CFDP1: variants seen among roughly 807,000 people sequenced by gnomAD.
The protein encoded by CFDP1 is chromatin remodeling protein CFDP1.
CFDP1 carries 31 observed loss-of-function variants against 40.1 expected under a neutral mutation model. That is an observed-to-expected ratio of 0.77 (90% CI 0.58 to 1.04). CFDP1 has a LOEUF of 1.04. Ranked by LOEUF, CFDP1 falls within the 50% of genes least tolerant of loss-of-function variation. The probability of loss-of-function intolerance (pLI) is 0.00; values close to 1 mark genes in which losing one functional copy is unlikely to be tolerated. For synonymous variants in CFDP1, 167 were observed against 120.0 expected (o/e 1.39, Z -2.56); for missense variants, 423 against 343.4 (o/e 1.23, Z -1.83).
chr16:75,306,300 G>C (rs1338521942), intron 5 of CFDP1: 1 of 152,090 alleles, frequency 6.6e-6, no homozygotes, highest in Non-Finnish European at 1.5e-5. Flanking sequence ...GAGTTGGAAG[G>C]GATCATCTTT....
rs138193823 is a variant in CFDP1 at position 75,344,803 on chromosome 16, G to A, written c.651-39621C>T. Among the ~76,000 whole-genome samples, 676 of 151,638 alleles carry A rather than the reference G, an allele frequency of 4.5e-3. 3 individuals carry two copies. The highest frequency in any genetic ancestry group is 0.015 in the African/African-American group (620 of 41,322). On this transcript the variant is annotated intron_variant, in intron 5 of 6. Transcript: ENST00000283882. ...AAAAATTAGCTGGGCATGGTGGTGC[G>A]TGCCTGTAGTCCCAGCTACTTGGGA...
At chr16:75,352,004 T>C (rs1414830082) in intron 5 of CFDP1, among the ~76,000 whole-genome samples, 3 of 51,786 alleles carry the variant, frequency 5.8e-5, no homozygotes, top group East Asian at 7.6e-4. Context: ...TGAGACTCTG[T>C]CTCAAAAAAA....
chr16:75,412,081 T>A (rs182861706), intron 3 of CFDP1, 129 bp from the exon 4 acceptor site: 4 of 972,700 alleles, frequency 4.1e-6, no homozygotes, highest in Admixed American at 6.7e-5. Context: ...AGTAACACAA[T>A]CTTGGCTCAC....
intron 5 of CFDP1, among the ~76,000 whole-genome samples, chr16:75,360,053 T>C (rs977808666): frequency 6.6e-6 from 1 of 152,070 alleles, no homozygotes; most frequent in Non-Finnish European, 1.5e-5. Flanking sequence ...TACAGATGCA[T>C]GCTCATTTTT....
intron 5 of CFDP1, among the ~76,000 whole-genome samples, chr16:75,327,502 G>A (rs1426534291): frequency 6.6e-6 from 1 of 152,102 alleles, no homozygotes; most frequent in Non-Finnish European, 1.5e-5. Flanking sequence ...ATAGAATACA[G>A]TAGAATAGTA....
chr16:75,380,619 G>C (rs1464565995), intron 5 of CFDP1, among the ~76,000 whole-genome samples: 1 of 152,106 alleles, frequency 6.6e-6, no homozygotes, highest in Non-Finnish European at 1.5e-5. Flanking sequence ...AAGCTTTTGG[G>C]CTGTAGCGGG....
intron 5 of CFDP1, among the ~76,000 whole-genome samples, chr16:75,370,123 G>A (rs567495745): frequency 2.1e-5 from 3 of 146,246 alleles, no homozygotes; most frequent in South Asian, 2.2e-4. Context: ...GCAGAGTTTC[G>A]CTCTTGTTGC....
chr16:75,334,827 T>C (rs2151517061), intron 5 of CFDP1, among the ~76,000 whole-genome samples: 1 of 152,150 alleles, frequency 6.6e-6, no homozygotes, highest in South Asian at 2.1e-4. Context: ...TGGTGGTGCA[T>C]GCCTGTAATC....
At chr16:75,349,868 T>C (rs918384522) in intron 5 of CFDP1, among the ~76,000 whole-genome samples, 2 of 151,346 alleles carry the variant, frequency 1.3e-5, no homozygotes, top group Non-Finnish European at 2.9e-5. Context: ...TGGATGCCTC[T>C]TGTTTCATTT....
intron 5 of CFDP1, among the ~76,000 whole-genome samples, chr16:75,338,891 G>A (rs1182958142): frequency 6.6e-6 from 1 of 152,094 alleles, no homozygotes; most frequent in African/African-American, 2.4e-5. Flanking sequence ...AGAAGACTCT[G>A]ATGCCAACTT....
intron 5 of CFDP1, among the ~76,000 whole-genome samples, chr16:75,330,981 A>ACC (rs1298080775): frequency 1.4e-5 from 2 of 147,138 alleles, no homozygotes; most frequent in Non-Finnish European, 3.0e-5. Context: ...AAAAAAAAAA[A>ACC]AAAACACAAA....
chr16:75,429,316 T>A (rs1230876094), intron 1 of CFDP1, among the ~76,000 whole-genome samples: 1 of 152,016 alleles, frequency 6.6e-6, no homozygotes, highest in African/African-American at 2.4e-5. Context: ...GACAATCAAT[T>A]ACGCCTGAGG....
intron 5 of CFDP1, chr16:75,391,631 G>A (rs1486522852): frequency 6.6e-6 from 1 of 152,180 alleles, no homozygotes; most frequent in Admixed American, 6.5e-5. Context: ...AGGGCATAAT[G>A]TAAAATGTAT....
At chr16:75,345,069 C>A (rs986874311) in intron 5 of CFDP1, among the ~76,000 whole-genome samples, 1 of 152,006 alleles carries the variant, frequency 6.6e-6, no homozygotes, top group African/African-American at 2.4e-5. Flanking sequence ...CCAGCCTGGG[C>A]AATCCCAGCA....
intron 5 of CFDP1, among the ~76,000 whole-genome samples, chr16:75,356,607 A>G (rs1306124277): frequency 6.6e-6 from 1 of 152,226 alleles, no homozygotes; most frequent in Admixed American, 6.5e-5. Flanking sequence ...GTCACCAGCT[A>G]CATTAGCCCT....
chr16:75,322,625 C>T (rs2078372803), intron 5 of CFDP1, among the ~76,000 whole-genome samples: 1 of 152,120 alleles, frequency 6.6e-6, no homozygotes, highest in African/African-American at 2.4e-5. Context: ...AGTTGAGCAT[C>T]CTAAACCCAA....
At chr16:75,312,750 T>C (rs955811305) in intron 5 of CFDP1, among the ~76,000 whole-genome samples, 5 of 152,310 alleles carry the variant, frequency 3.3e-5, no homozygotes, top group Middle Eastern at 6.8e-3. Context: ...CAGGGAGAAC[T>C]AAGAAATTTT....
intron 4 of CFDP1, among the ~76,000 whole-genome samples, chr16:75,401,021 C>T (rs958417192): frequency 6.6e-6 from 1 of 152,206 alleles, no homozygotes; most frequent in Non-Finnish European, 1.5e-5. Context: ...TCCAGCTTGA[C>T]ACAGTGGCTC....
At chr16:75,311,770 A>ATTTT (rs548463039) in intron 5 of CFDP1, among the ~76,000 whole-genome samples, 3 of 141,792 alleles carry the variant, frequency 2.1e-5, no homozygotes, top group South Asian at 2.3e-4. Context: ...GACCTTTACA[A>ATTTT]TTTTTTTTTT....
Sources: gnomAD v4.1 joint callset for allele counts (sites outside exome capture counted in the v4.1 genomes callset) on GRCh38, gnomAD v4.1.1 for gene constraint, MANE v1.5 for transcripts, NCBI Gene and HGNC (gene_info 2026-07-23, HGNC 2026-07-21) for gene names.